PROCR: variants seen among roughly 807,000 people sequenced by gnomAD.
The protein encoded by PROCR is protein C receptor.
A neutral mutation model predicts 24.2 loss-of-function variants in PROCR; 22 were observed. The observed-to-expected ratio is 0.91, with a 90% CI of 0.65 to 1.30. The LOEUF (loss-of-function observed/expected upper bound fraction) is 1.30, where lower values mean the gene tolerates loss of function less well. PROCR is among the 50% of genes most tolerant of loss of function. The probability of loss-of-function intolerance (pLI) is 0.00; values close to 1 mark genes in which losing one functional copy is unlikely to be tolerated. For synonymous variants in PROCR, 137 were observed against 139.2 expected, an observed-to-expected ratio of 0.98 and a Z score of 0.11; for missense variants, 288 against 307.7, an observed-to-expected ratio of 0.94 and a Z score of 0.48.
At chr20:35,184,016 A>G (rs941493603) in intron 1 of PROCR, among the ~76,000 whole-genome samples, 1 of 152,204 alleles carries the variant, frequency 6.6e-6, no homozygotes, top group African/African-American at 2.4e-5. Flanking sequence ...CCCCATCAAA[A>G]TACCACCATC....
At chr20:35,182,609 G>A (rs537054479) in intron 1 of PROCR, among the ~76,000 whole-genome samples, 1 of 152,076 alleles carries the variant, frequency 6.6e-6, no homozygotes, top group Admixed American at 6.6e-5. Context: ...TTCTTGGGAA[G>A]ATAAAACATA....
chr20:35,174,420 C>A (rs965602305), intron 1 of PROCR: 9 of 496,594 alleles, frequency 1.8e-5, no homozygotes, highest in African/African-American at 3.9e-5. Flanking sequence ...TAACAGGAAA[C>A]GGGGGGAGGG....
intron 1 of PROCR, chr20:35,201,854 C>A (rs2060319429): frequency 6.6e-6 from 1 of 151,642 alleles, no homozygotes; most frequent in African/African-American, 2.4e-5. Flanking sequence ...GGTCAATTCA[C>A]CAAGAAGATA....
intron 1 of PROCR, chr20:35,202,036 G>A (rs2060320113): frequency 6.6e-6 from 1 of 151,982 alleles, no homozygotes; most frequent in African/African-American, 2.4e-5. Flanking sequence ...TATCAAACCT[G>A]GATAACGTTA....
intron 1 of PROCR, among the ~76,000 whole-genome samples, chr20:35,192,228 G>A (rs1015881251): frequency 6.6e-6 from 1 of 152,230 alleles, no homozygotes; most frequent in African/African-American, 2.4e-5. Flanking sequence ...ATGCCTAACA[G>A]AAACGTTTAC....
intron 1 of PROCR, among the ~76,000 whole-genome samples, chr20:35,190,386 T>G (rs2086163518): frequency 6.6e-6 from 1 of 152,196 alleles, no homozygotes. Context: ...ACATTTCTGT[T>G]CTTTTTCTTA....
intron 1 of PROCR, among the ~76,000 whole-genome samples, chr20:35,185,312 T>C (rs1485125844): frequency 4.6e-5 from 7 of 152,208 alleles, no homozygotes; most frequent in Non-Finnish European, 8.8e-5. Flanking sequence ...ACAGCTGCTA[T>C]GGAAAACAGC....
At chr20:35,193,243 T>G (rs2146165279) in intron 1 of PROCR, among the ~76,000 whole-genome samples, 1 of 151,598 alleles carries the variant, frequency 6.6e-6, no homozygotes. Flanking sequence ...TGGCGCAATC[T>G]CGGCTCACTG....
At chr20:35,199,876 T>C (rs1430932069) in intron 1 of PROCR, among the ~76,000 whole-genome samples, 1 of 152,176 alleles carries the variant, frequency 6.6e-6, no homozygotes, top group Non-Finnish European at 1.5e-5. Context: ...TAAGAACAGT[T>C]GTGATTCATG....
Position 35,175,015 on chromosome 20 carries a change from G to A in PROCR, c.322+62G>A, listed in dbSNP as rs537579809. The A allele has an allele frequency of 4.2e-4, 524 of 1,236,682 alleles. 4 individuals are homozygous for A. In the African/African-American group the frequency reaches 6.6e-3, roughly 16 times the overall value. The allele number at this position is 1,236,682 out of a possible 1,614,324, so 76.6% of individuals were successfully genotyped here. A position where few individuals can be genotyped will look rare whatever the true frequency, so the allele number is the denominator to read the frequency against. On this transcript the variant is annotated intron_variant, in intron 2 of 3. Transcript: ENST00000216968. ...GGCTAGTGGGGGCGGGGCCTGGCGG[G>A]TGGGGGCGGGGCCTGGCGGATGGAG...
chr20:35,177,721 C>T (rs986866282), downstream of PROCR, among the ~76,000 whole-genome samples: 3 of 152,050 alleles, frequency 2.0e-5, no homozygotes, highest in African/African-American at 7.2e-5. Flanking sequence ...TGAGCCACTG[C>T]GCCTGGTCTT....
intron 1 of PROCR, chr20:35,201,809 G>T (rs2146172887): frequency 6.6e-6 from 1 of 152,036 alleles, no homozygotes; most frequent in Non-Finnish European, 1.5e-5. Context: ...TAAATATAAA[G>T]ATATAAATAT....
chr20:35,188,446 A>G (rs892980047), intron 1 of PROCR, among the ~76,000 whole-genome samples: 1 of 152,182 alleles, frequency 6.6e-6, no homozygotes, highest in Non-Finnish European at 1.5e-5. Flanking sequence ...AAGGGGAAAG[A>G]TGTTTCTCCT....
At chr20:35,189,277 T>A (rs2146161456) in intron 1 of PROCR, among the ~76,000 whole-genome samples, 1 of 139,422 alleles carries the variant, frequency 7.2e-6, no homozygotes, top group East Asian at 2.2e-4. Context: ...GGGGGGGGCC[T>A]CTAAAATGGC....
At chr20:35,180,257 A>AGTAAATAT (rs111324117), downstream of PROCR, among the ~76,000 whole-genome samples, 2 of 151,066 alleles carry the variant, frequency 1.3e-5, no homozygotes, top group Middle Eastern at 3.2e-3. Context: ...CAAATAAATA[A>AGTAAATAT]ATAAATACAT....
At chr20:35,197,033 G>T (rs984028639) in intron 1 of PROCR, among the ~76,000 whole-genome samples, 1 of 152,144 alleles carries the variant, frequency 6.6e-6, no homozygotes, top group South Asian at 2.1e-4. Context: ...GAAGGTTTAT[G>T]GGGCAAGTCT....
chr20:35,196,280 A>G (rs771654425), intron 1 of PROCR, among the ~76,000 whole-genome samples: 15 of 151,810 alleles, frequency 9.9e-5, no homozygotes, highest in Non-Finnish European at 2.2e-4. Flanking sequence ...TTTCTGAAAT[A>G]GAGGAGAAAG....
intron 1 of PROCR, chr20:35,174,469 C>T (rs2085985000): frequency 3.4e-6 from 2 of 589,896 alleles, no homozygotes; most frequent in East Asian, 2.9e-5. Context: ...AGGAGTGTCT[C>T]TTCCACTGCA....
At chr20:35,208,627 T>A (rs971002511) in intron 1 of PROCR, among the ~76,000 whole-genome samples, 12 of 152,178 alleles carry the variant, frequency 7.9e-5, no homozygotes, top group African/African-American at 2.2e-4. Flanking sequence ...AGCAGAACAC[T>A]ACACAACACT....
Sources: allele counts gnomAD v4.1 joint callset (sites outside exome capture counted in the v4.1 genomes callset), GRCh38; gene constraint gnomAD v4.1.1; transcripts MANE v1.5; gene names NCBI Gene and HGNC (gene_info 2026-07-23, HGNC 2026-07-21).